Variants in FARP1 observed in about 807,000 individuals in gnomAD.
FARP1 encodes FERM, ARH/RhoGEF and pleckstrin domain protein 1, also known as FERM, ARHGEF and pleckstrin domain-containing protein 1.
Under a neutral mutation model 128.8 loss-of-function variants are expected in FARP1, and 52 were observed. That is an observed-to-expected ratio of 0.40 (90% CI 0.32 to 0.51). FARP1 has a LOEUF of 0.51. Ranked by LOEUF, FARP1 falls within the 20% of genes least tolerant of loss-of-function variation. The probability of loss-of-function intolerance (pLI) is 0.45; values close to 1 mark genes in which losing one functional copy is unlikely to be tolerated. For missense variants in FARP1, 1,333 were observed against 1,367.9 expected (o/e 0.97, Z 0.40); for synonymous variants, 580 against 551.8 (o/e 1.05, Z -0.72).
At chr13:98,301,385 C>T (rs536785627) in intron 2 of FARP1, among the ~76,000 whole-genome samples, 1 of 152,298 alleles carries the variant, frequency 6.6e-6, no homozygotes, top group Non-Finnish European at 1.5e-5. Flanking sequence ...AGAAACAGAG[C>T]TTCTATTGTA....
intron 1 of FARP1, among the ~76,000 whole-genome samples, chr13:98,172,169 T>G (rs1877699926): frequency 1.3e-5 from 2 of 152,026 alleles, no homozygotes; most frequent in Non-Finnish European, 2.9e-5. Context: ...TAGTTCTGAT[T>G]AGCCGTGAAT....
At chr13:98,296,522 CT>C (rs775209644) in intron 2 of FARP1, among the ~76,000 whole-genome samples, 1 of 148,284 alleles carries the variant, frequency 6.7e-6, no homozygotes. Flanking sequence ...GGACCCCCCG[CT>C]CTTCATGCAC....
At chr13:98,166,388 C>T (rs538900604) in intron 1 of FARP1, among the ~76,000 whole-genome samples, 25 of 152,316 alleles carry the variant, frequency 1.6e-4, no homozygotes, top group African/African-American at 5.3e-4. Flanking sequence ...ACCGTTCATT[C>T]GTTTTATGAA....
chr13:98,316,465 G>A (rs1252523700), intron 2 of FARP1, among the ~76,000 whole-genome samples: 4 of 152,172 alleles, frequency 2.6e-5, no homozygotes, highest in African/African-American at 7.2e-5. Context: ...CAGCCCATGC[G>A]TGGCAGATCC....
chr13:98,251,391 C>A (rs1204802714), intron 2 of FARP1, among the ~76,000 whole-genome samples: 1 of 152,024 alleles, frequency 6.6e-6, no homozygotes, highest in Non-Finnish European at 1.5e-5. Context: ...ATAGAAAGTC[C>A]CCACTGGGGG....
chr13:98,153,369 TTA>T (rs1245860480), intron 1 of FARP1, among the ~76,000 whole-genome samples: 2 of 96,864 alleles, frequency 2.1e-5, no homozygotes, highest in South Asian at 2.8e-4. Flanking sequence ...ATAAAATATG[TTA>T]TATATAAATA....
In FARP1 at chr13:98,319,408, C is replaced by G. The variant is rs188171920; in HGVS notation, c.172-24354C>G. ...GGCTGAGGCAGGCGGATCACAAGGT[C>G]AGGAGATCGAGACCATCCTCGCTAA... On this transcript the variant is annotated intron_variant, in intron 2 of 26. Coordinates refer to ENST00000319562, the MANE Select transcript of FARP1 (RefSeq NM_005766.4). Among the ~76,000 whole-genome samples the G allele has an allele frequency of 7.2e-3, 1,096 of 152,270 alleles. 16 individuals carry two copies. The highest frequency in any genetic ancestry group is 0.025 in the African/African-American group (1,044 of 41,544).
At chr13:98,185,333 T>C (rs1878790101) in intron 1 of FARP1, among the ~76,000 whole-genome samples, 1 of 152,164 alleles carries the variant, frequency 6.6e-6, no homozygotes, top group South Asian at 2.1e-4. Context: ...AGAAAGGGCT[T>C]AACAGGGCAA....
chr13:98,311,447 G>T (rs538364753), intron 2 of FARP1, among the ~76,000 whole-genome samples: 1 of 152,126 alleles, frequency 6.6e-6, no homozygotes, highest in Non-Finnish European at 1.5e-5. Flanking sequence ...ATGAATTTTG[G>T]CCTTTTAAAT....
At chr13:98,308,527 G>A (rs1441027352) in intron 2 of FARP1, among the ~76,000 whole-genome samples, 2 of 152,164 alleles carry the variant, frequency 1.3e-5, no homozygotes, top group Admixed American at 6.5e-5. Context: ...TGCACTGGAC[G>A]GCACCTGAGA....
chr13:98,224,102 A>G (rs1881595093), intron 2 of FARP1, among the ~76,000 whole-genome samples: 1 of 152,246 alleles, frequency 6.6e-6, no homozygotes, highest in South Asian at 2.1e-4. Context: ...TGTGTAAAGC[A>G]TTGCAGAGCA....
chr13:98,446,121 G>A lies in FARP1; in HGVS notation c.2820G>A (p.Leu940=). 6.2e-7 allele frequency: 1 copy of A among 1,613,892 alleles called. No individual in the cohort carries two copies. Among genetic ancestry groups the A allele is most frequent in the Non-Finnish European group, 8.5e-7 (1 of 1,179,866 alleles). Residue 940 remains leucine, a synonymous_variant, in exon 25 of 27, where the codon CTG becomes CTA. Transcript: ENST00000319562. ...AGAATCAGTTGTCTGGAAACCTGCT[G>A]AGGAAATTCAAAAACAGCAACGGGT... The part of the protein sequence containing the change: ...AVENQLSGNL[L]RKFKNSNGWQ...
In FARP1 at chr13:98,446,747, T is replaced by G. The variant is rs1486351562; in HGVS notation, c.2986T>G (p.Tyr996Asp). The change falls in exon 26 of 27, where the codon TAC becomes GAC. Residue 996 changes from tyrosine (Y) to aspartate (D), a missense_variant. Around this residue, in one of 2 missense-constraint regions of FARP1, gnomAD observed 1,009 missense variants for 969.8 expected, o/e 1.04. Transcript: ENST00000319562. ...TGAGTCCGAGAACATCCAGAAAGAC[T>G]ACGTGTTCAAGCTGCACTTCAAGTC... is the stretch of plus-strand genomic sequence containing the variant. ...PSESENIQKD[Y>D]VFKLHFKSHV... 1 of 1,614,050 alleles carries G rather than the reference T, an allele frequency of 6.2e-7. No homozygotes were observed. Among genetic ancestry groups the G allele is most frequent in the African/African-American group, 1.3e-5 (1 of 74,930 alleles).
intron 6 of FARP1, chr13:98,381,510 G>A (rs1322809719): frequency 1.3e-5 from 2 of 152,152 alleles, no homozygotes; most frequent in Admixed American, 1.3e-4. Context: ...CTTCCCTGCA[G>A]TATTTTGAAC....
chr13:98,194,072 AATTTT>A (rs1879412041), intron 1 of FARP1, among the ~76,000 whole-genome samples: 1 of 152,056 alleles, frequency 6.6e-6, no homozygotes. Context: ...GTATATGAAT[AATTTT>A]ATTTTTATTA....
At chr13:98,280,753 T>C (rs914231100) in intron 2 of FARP1, among the ~76,000 whole-genome samples, 3 of 152,242 alleles carry the variant, frequency 2.0e-5, no homozygotes, top group African/African-American at 7.2e-5. Flanking sequence ...GTTTACTCAA[T>C]TCCATTGACT....
At chr13:98,177,467 C>T (rs1409403015) in intron 1 of FARP1, among the ~76,000 whole-genome samples, 2 of 145,416 alleles carry the variant, frequency 1.4e-5, no homozygotes, top group Non-Finnish European at 3.1e-5. Flanking sequence ...GCCAACATAG[C>T]GAAACTCCAT....
intron 2 of FARP1, among the ~76,000 whole-genome samples, chr13:98,317,607 G>A (rs550248755): frequency 6.6e-6 from 1 of 151,504 alleles, no homozygotes; most frequent in Admixed American, 6.6e-5. Context: ...TAAAGATGGG[G>A]TTTGAGTTTT....
rs1245868601 is a variant in FARP1, at chr13:98,176,925, C to T, written c.-24+33433C>T. ...CAGCGGTGGCCCCCATGTCCTCTGG[C>T]CCCACAGGCTTCGCCGAGCGGGTGG... On this transcript the variant is annotated intron_variant, in intron 1 of 26. Transcript: ENST00000319562. The surrounding 1 kb of genome is among the most constrained non-coding windows in gnomAD (Gnocchi z 6.2). 3 of 1,603,734 alleles carry T rather than the reference C, an allele frequency of 1.9e-6. No homozygotes were observed. Among genetic ancestry groups the T allele is most frequent in the African/African-American group, 1.3e-5 (1 of 74,984 alleles).
Sources: gnomAD v4.1 joint callset for allele counts (sites outside exome capture counted in the v4.1 genomes callset) on GRCh38, gnomAD v4.1.1 for gene constraint, gnomAD v4.1.1 regional missense constraint, Gnocchi (gnomAD v3.1) non-coding constraint, MANE v1.5 for transcripts, NCBI Gene and HGNC (gene_info 2026-07-23, HGNC 2026-07-21) for gene names.